Variants in TMEM74B observed in about 807,000 individuals in gnomAD.
TMEM74B encodes transmembrane protein 74B, also known as transmembrane protein C20orf46.
TMEM74B carries 7 observed loss-of-function variants against 6.5 expected under a neutral mutation model. That is an observed-to-expected ratio of 1.07 (90% confidence interval 0.61 to 2.01). TMEM74B has a LOEUF of 2.01. TMEM74B is among the 30% of genes most tolerant of loss of function. The pLI is 0.00. For missense variants in TMEM74B, 342 were observed against 337.0 expected, an observed-to-expected ratio of 1.01 and a Z score of -0.12; for synonymous variants, 151 against 151.6, an observed-to-expected ratio of 1.00 and a Z score of 0.03.
upstream of TMEM74B, chr20:1,185,021 C>T (rs919960105): frequency 6.6e-6 from 1 of 152,258 alleles, no homozygotes; most frequent in Admixed American, 6.5e-5. Context: ...GCCGGGTCCC[C>T]TGGTCGCATG....
chr20:1,181,418 C>T lies in TMEM74B; in HGVS notation c.201G>A (p.Glu67=). 6.6e-7 allele frequency: 1 copy of T among 1,521,692 alleles called. No homozygotes were observed. Among genetic ancestry groups the T allele is most frequent in the Non-Finnish European group, 8.8e-7 (1 of 1,135,024 alleles). The allele number at this position is 1,521,692 out of a possible 1,614,324, so 94.3% of individuals were successfully genotyped here. ...EGVENACFSS[E]EHETHFQNPG... ...GGTTCTGGAAATGGGTCTCATGCTC[C>T]TCTGAGGAGAAGCAGGCATTCTCCA... Residue 67 remains glutamate, a synonymous_variant, in exon 3 of 3, where the codon GAG becomes GAA. Coordinates refer to ENST00000429036, the MANE Select transcript of TMEM74B (RefSeq NM_001304748.2). This position sits in a 1 kb window ranked among gnomAD's most constrained non-coding sequence, Gnocchi z 4.9.
chr20:1,187,703 G>C (rs150702003), upstream of TMEM74B, among the ~76,000 whole-genome samples: 1 of 152,298 alleles, frequency 6.6e-6, no homozygotes, highest in East Asian at 1.9e-4. Flanking sequence ...CCTAGCATAG[G>C]CGAAGACCTT....
chr20:1,181,585 C>T lies in TMEM74B; in HGVS notation c.34G>A (p.Ala12Thr). 6.9e-7 allele frequency: 1 copy of T among 1,448,122 alleles called. No individual in the cohort carries two copies. The highest frequency in any genetic ancestry group is 9.0e-7 in the Non-Finnish European group (1 of 1,106,416). The allele number at this position is 1,448,122 out of a possible 1,614,324, so 89.7% of individuals were successfully genotyped here. ...PPAQGYEFAAAKGPRDELGPS... is the reference protein window; with the variant it reads ...PPAQGYEFAATKGPRDELGPS... ...CCCAGCTCATCCCTTGGCCCCTTGG[C>T]AGCTGGAAGAGAAAAAAGAAAGTCA... Residue 12 changes from alanine (A) to threonine (T), a missense_variant and splice_region_variant, in exon 3 of 3, where the codon GCC becomes ACC. Ala to Thr is a moderately conservative substitution (Grantham distance 58). Transcript: ENST00000429036. The surrounding 1 kb of genome is among the most constrained non-coding windows in gnomAD (Gnocchi z 4.9).
chr20:1,182,342 C>A (rs1444939958), intron 2 of TMEM74B, among the ~76,000 whole-genome samples: 2 of 152,194 alleles, frequency 1.3e-5, no homozygotes, highest in African/African-American at 4.8e-5. Context: ...GGGGAACAGA[C>A]TGCCTCAGAG....
At chr20:1,187,549 A>G (rs1278945588), upstream of TMEM74B, among the ~76,000 whole-genome samples, 1 of 152,278 alleles carries the variant, frequency 6.6e-6, no homozygotes, top group Admixed American at 6.5e-5. Flanking sequence ...ATAAAAGTAT[A>G]GAGTGCAAGC....
upstream of TMEM74B, chr20:1,186,589 T>G (rs117418234): frequency 0.012 from 1,792 of 152,280 alleles, 14 homozygotes; most frequent in Non-Finnish European, 0.021. Flanking sequence ...CCAGCAGAAG[T>G]TGGCCATGTG....
Position 1,181,489 on chromosome 20 carries a change from T to C in TMEM74B, c.130A>G (p.Arg44Gly), listed in dbSNP as rs777604088. Reference sequence around the variant, plus strand: ...ACTGGGCCCAGGGGAGCTGATCTCCTTGGGGCTTGGGGACCATTGCTCAGT... The same window carrying C: ...ACTGGGCCCAGGGGAGCTGATCTCCCTGGGGCTTGGGGACCATTGCTCAGT... ...KTLSNGPQAP[R>G]RSAPLGPVAP... Residue 44 changes from arginine to glycine, a missense_variant, in exon 3 of 3, where the codon AGG (arginine) becomes GGG (glycine). Transcript: ENST00000429036. The surrounding 1 kb of genome is among the most constrained non-coding windows in gnomAD (Gnocchi z 4.9). 5.3e-6 allele frequency: 8 copies of C among 1,509,080 alleles called. No homozygotes were observed. Among genetic ancestry groups the C allele is most frequent in the African/African-American group, 2.8e-5 (2 of 71,334 alleles). The allele number at this position is 1,509,080 out of a possible 1,614,324, so 93.5% of individuals were successfully genotyped here.
chr20:1,183,702 G>A, intron 2 of TMEM74B, 69 bp downstream of exon 2: 1 of 1,554,978 alleles, frequency 6.4e-7, no homozygotes, highest in South Asian at 1.1e-5. Flanking sequence ...AAGATCCCAT[G>A]GCATGTATGG....
chr20:1,181,467 G>A lies in TMEM74B; in HGVS notation c.152C>T (p.Pro51Leu), dbSNP rs767530710. The A allele has an allele frequency of 6.6e-7, 1 of 1,512,858 alleles. No homozygotes were observed. The highest frequency in any genetic ancestry group is 1.4e-5 in the African/African-American group (1 of 71,504). 93.7% of individuals were successfully genotyped at this position (1,512,858 alleles called of 1,614,324 possible). The part of the protein sequence containing the change: ...QAPRRSAPLG[P>L]VAPTREGVEN... The stretch of plus-strand genomic sequence containing the variant: ...CACACCCTCCCTGGTTGGGGCCACT[G>A]GGCCCAGGGGAGCTGATCTCCTTGG... The change falls in exon 3 of 3, where the codon CCA becomes CTA. Residue 51 changes from proline (P) to leucine (L), a missense_variant. By Grantham distance (98) the Pro-to-Leu change is moderately conservative (BLOSUM62 -3). Coordinates refer to ENST00000429036, the MANE Select transcript of TMEM74B (RefSeq NM_001304748.2). This position sits in a 1 kb window ranked among gnomAD's most constrained non-coding sequence, Gnocchi z 4.9.
intron 2 of TMEM74B, among the ~76,000 whole-genome samples, chr20:1,182,955 G>C (rs1260748761): frequency 2.0e-5 from 3 of 152,166 alleles, no homozygotes; most frequent in Admixed American, 2.0e-4. Flanking sequence ...GGCCACCTTA[G>C]GCCCCCGTTC....
At chr20:1,188,754 A>G (rs2087047479), upstream of TMEM74B, among the ~76,000 whole-genome samples, 1 of 152,188 alleles carries the variant, frequency 6.6e-6, no homozygotes, top group Non-Finnish European at 1.5e-5. Context: ...TGACAAAATA[A>G]ATAAGGTAAT....
In TMEM74B at chr20:1,184,810, T is replaced by A. The variant is rs573990940; in HGVS notation, c.-656A>T. 2 of 152,008 alleles carry A rather than the reference T, an allele frequency of 1.3e-5. No homozygotes were observed. The highest frequency in any genetic ancestry group is 4.2e-4 in the South Asian group (2 of 4,816). The allele number at this position is 152,008 out of a possible 1,614,324, so 9.4% of individuals were successfully genotyped here. A position where few individuals can be genotyped will look rare whatever the true frequency, so the allele number is the denominator to read the frequency against. On this transcript the variant is annotated 5_prime_UTR_variant, in exon 1 of 3. Transcript: ENST00000429036. The surrounding 1 kb of genome is among the most constrained non-coding windows in gnomAD (Gnocchi z 6.0). The stretch of plus-strand genomic sequence containing the variant: ...CCCAGTCGATAGACACACGCACGAG[T>A]TGTACACAAAGCCTTGGGGCGCGCA...
chr20:1,184,204 T>G lies in TMEM74B; in HGVS notation c.-148+98A>C. ...CTGGAAGAAATCTGGAGCTCCCAAA[T>G]TCTGGGAGCAGAGCTCTCCTTCATG... On this transcript the variant is annotated intron_variant, in intron 1 of 2. Coordinates refer to ENST00000429036, the MANE Select transcript of TMEM74B (RefSeq NM_001304748.2). This position sits in a 1 kb window ranked among gnomAD's most constrained non-coding sequence, Gnocchi z 6.0. The G allele has an allele frequency of 2.5e-5, 4 of 160,618 alleles. No homozygotes were observed. The highest frequency in any genetic ancestry group is 1.8e-4 in the East Asian group (1 of 5,508). 9.9% of individuals were successfully genotyped at this position (160,618 alleles called of 1,614,324 possible).
In TMEM74B at chr20:1,181,624, A is replaced by G. The variant is rs2086872299; in HGVS notation, c.32-37T>C. 5 of 1,429,506 alleles carry G rather than the reference A, an allele frequency of 3.5e-6. No individual in the cohort carries two copies. In the South Asian group the frequency reaches 5.0e-5, roughly 14 times the overall value. 88.6% of individuals were successfully genotyped at this position (1,429,506 alleles called of 1,614,324 possible). A position where few individuals can be genotyped will look rare whatever the true frequency, so the allele number is the denominator to read the frequency against. The stretch of plus-strand genomic sequence containing the variant: ...AAAAGAAAGTCAGTTGAATGTAGCA[A>G]CCTCTCCCTGTTGTGGAGGACATCA... On this transcript the variant is annotated intron_variant, in intron 2 of 2. Coordinates refer to ENST00000429036, the MANE Select transcript of TMEM74B (RefSeq NM_001304748.2). The surrounding 1 kb of genome is among the most constrained non-coding windows in gnomAD (Gnocchi z 4.9).
At position 1,181,135 on chromosome 20, in the gene TMEM74B, G is replaced by T. The variant is rs561380660; in HGVS notation, c.484C>A (p.Leu162Met). The T allele has an allele frequency of 6.2e-7, 1 of 1,614,136 alleles. No individual in the cohort carries two copies. Among genetic ancestry groups the T allele is most frequent in the African/African-American group, 1.3e-5 (1 of 75,016 alleles). The change falls in exon 3 of 3, where the codon CTG becomes ATG. Residue 162 changes from leucine to methionine, a missense_variant. Physicochemically the swap from Leu to Met is conservative, Grantham distance 15. Transcript: ENST00000429036. This position sits in a 1 kb window ranked among gnomAD's most constrained non-coding sequence, Gnocchi z 4.9. Reference sequence around the variant, plus strand: ...CCTAGGCGGGCGTAGTACATCTCCAGTCGTTCCATCTCCCGCGCTGTCACT... The same window carrying T: ...CCTAGGCGGGCGTAGTACATCTCCATTCGTTCCATCTCCCGCGCTGTCACT... ...DTVTAREMER[L>M]EMYYARLGSH...
rs781279001 is a variant in TMEM74B at position 1,181,152 on chromosome 20, G to A, written c.467C>T (p.Ala156Val). ...CATCTCCAGTCGTTCCATCTCCCGC[G>A]CTGTCACTGTGTCCGGATTGACTCG... ...EARVNPDTVT[A>V]REMERLEMYY... Residue 156 changes from alanine to valine, a missense_variant, in exon 3 of 3, where the codon GCG becomes GTG. Physicochemically the swap from Ala to Val is moderately conservative, Grantham distance 64. Coordinates refer to ENST00000429036, the MANE Select transcript of TMEM74B (RefSeq NM_001304748.2). This position sits in a 1 kb window ranked among gnomAD's most constrained non-coding sequence, Gnocchi z 4.9. 12 of 1,614,010 alleles carry A rather than the reference G, an allele frequency of 7.4e-6. No individual in the cohort carries two copies. Among genetic ancestry groups the A allele is most frequent in the South Asian group, 4.4e-5 (4 of 91,088 alleles).
rs1196665617 is a variant in TMEM74B at position 1,180,732 on chromosome 20, G to A, written c.*116C>T. ...CAGCACCCAGTACTTCTTCCACAAG[G>A]CCCTATGTGAGCTCAGTTTAAAACC... is the stretch of plus-strand genomic sequence containing the variant. On this transcript the variant is annotated 3_prime_UTR_variant, in exon 3 of 3. Coordinates refer to ENST00000429036, the MANE Select transcript of TMEM74B (RefSeq NM_001304748.2). The surrounding 1 kb of genome is among the most constrained non-coding windows in gnomAD (Gnocchi z 6.1). 2.3e-5 allele frequency: 32 copies of A among 1,419,070 alleles called. No individual in the cohort carries two copies. The East Asian group carries it at 7.0e-4, about 31-fold the overall frequency. 87.9% of individuals were successfully genotyped at this position (1,419,070 alleles called of 1,614,324 possible).
In TMEM74B at chr20:1,184,900, G is replaced by T. The variant is rs1252602158; in HGVS notation, c.-746C>A. On this transcript the variant is annotated 5_prime_UTR_variant, in exon 1 of 3. Coordinates refer to ENST00000429036, the MANE Select transcript of TMEM74B (RefSeq NM_001304748.2). The surrounding 1 kb of genome is among the most constrained non-coding windows in gnomAD (Gnocchi z 6.0). Reference sequence around the variant, plus strand: ...GCGCGCAGAAAGCCCCAGCACGCCGGCTGCCCACCGCGCCCGCTCCCGCCG... The same window carrying T: ...GCGCGCAGAAAGCCCCAGCACGCCGTCTGCCCACCGCGCCCGCTCCCGCCG... Among the ~76,000 whole-genome samples, 1 of 152,182 alleles carries T rather than the reference G, an allele frequency of 6.6e-6. No homozygotes were observed. The highest frequency in any genetic ancestry group is 1.5e-5 in the Non-Finnish European group (1 of 68,020).
rs1439031547 is a variant in TMEM74B, at chr20:1,181,407, G to T, written c.212C>A (p.Thr71Asn). The change falls in exon 3 of 3, where the codon ACC becomes AAC. Residue 71 changes from threonine (T) to asparagine (N), a missense_variant. Thr to Asn is a moderately conservative substitution (Grantham distance 65, BLOSUM62 0). Coordinates refer to ENST00000429036, the MANE Select transcript of TMEM74B (RefSeq NM_001304748.2). The surrounding 1 kb of genome is among the most constrained non-coding windows in gnomAD (Gnocchi z 4.9). ...NACFSSEEHE[T>N]HFQNPGNTRL... ...CGTGTTCCCAGGGTTCTGGAAATGG[G>T]TCTCATGCTCCTCTGAGGAGAAGCA... 4 of 1,527,694 alleles carry T rather than the reference G, an allele frequency of 2.6e-6. No individual in the cohort carries two copies. Among genetic ancestry groups the T allele is most frequent in the Non-Finnish European group, 3.5e-6 (4 of 1,137,364 alleles). The allele number at this position is 1,527,694 out of a possible 1,614,324, so 94.6% of individuals were successfully genotyped here. A position where few individuals can be genotyped will look rare whatever the true frequency, so the allele number is the denominator to read the frequency against.
Sources: allele counts gnomAD v4.1 joint callset (sites outside exome capture counted in the v4.1 genomes callset), GRCh38; gene constraint gnomAD v4.1.1; non-coding constraint Gnocchi (gnomAD v3.1); transcripts MANE v1.5; gene names NCBI Gene and HGNC (gene_info 2026-07-23, HGNC 2026-07-21).